Variants in CCDC7 observed in about 807,000 individuals in gnomAD.
CCDC7 encodes the protein coiled-coil domain containing 7, also known as coiled-coil domain-containing protein 7.
A neutral mutation model predicts 196.9 loss-of-function variants in CCDC7; 183 were observed. The ratio of observed to expected loss-of-function variants is 0.93; its 90% CI spans 0.82 to 1.05. The LOEUF (loss-of-function observed/expected upper bound fraction) is 1.05, where lower values mean the gene tolerates loss of function less well. Among genes scored for constraint, CCDC7 ranks in the 50% least tolerant of loss-of-function variants. The pLI, the probability that CCDC7 is intolerant of heterozygous loss-of-function variation, is 0.00. For missense variants in CCDC7, 1,540 were observed against 1,482.2 expected (o/e 1.04, Z -0.64); for synonymous variants, 525 against 484.6 (o/e 1.08, Z -1.10).
intron 24 of CCDC7, among the ~76,000 whole-genome samples, chr10:32,710,405 A>T (rs2080628159): frequency 6.6e-6 from 1 of 152,176 alleles, no homozygotes; most frequent in Non-Finnish European, 1.5e-5. Flanking sequence ...TTTCAGTCTC[A>T]TCTGCAGGGG....
At chr10:32,618,210 G>A (rs1453348657) in intron 18 of CCDC7, among the ~76,000 whole-genome samples, 1 of 151,764 alleles carries the variant, frequency 6.6e-6, no homozygotes, top group African/African-American at 2.4e-5. Flanking sequence ...TCTTTTAAGT[G>A]GAGCATTTAA....
intron 18 of CCDC7, among the ~76,000 whole-genome samples, chr10:32,618,899 A>G (rs1162193051): frequency 3.9e-5 from 6 of 152,072 alleles, no homozygotes; most frequent in Non-Finnish European, 8.8e-5. Context: ...CTATAGCTTT[A>G]TGTAGTCCCA....
intron 5 of CCDC7, among the ~76,000 whole-genome samples, chr10:32,470,196 T>A (rs1399529027): frequency 6.6e-6 from 1 of 152,196 alleles, no homozygotes; most frequent in Non-Finnish European, 1.5e-5. Context: ...AAATCCCCAG[T>A]GCTAGAATTT....
At chr10:32,556,184 C>G (rs992469106) in intron 13 of CCDC7, among the ~76,000 whole-genome samples, 1 of 152,166 alleles carries the variant, frequency 6.6e-6, no homozygotes, top group Non-Finnish European at 1.5e-5. Context: ...TATATTTTCT[C>G]TCTCCCTGTG....
intron 29 of CCDC7, among the ~76,000 whole-genome samples, chr10:32,803,371 C>T (rs947934470): frequency 6.6e-6 from 1 of 152,098 alleles, no homozygotes; most frequent in East Asian, 1.9e-4. Flanking sequence ...GTCTTGGGGA[C>T]TCTTTCTCTC....
chr10:32,606,105 A>G (rs1274304928), intron 18 of CCDC7, among the ~76,000 whole-genome samples: 2 of 150,610 alleles, frequency 1.3e-5, no homozygotes, highest in Non-Finnish European at 2.9e-5. Context: ...TGCTTCAGCT[A>G]GAGCCTTGGG....
At chr10:32,623,905 T>C (rs1182388845) in intron 18 of CCDC7, 2 of 403,784 alleles carry the variant, frequency 5.0e-6, no homozygotes, top group Non-Finnish European at 1.0e-5. Context: ...ACTCACTTCT[T>C]CCCAAGGGGA....
intron 24 of CCDC7, among the ~76,000 whole-genome samples, chr10:32,704,714 G>C (rs1191540750): frequency 6.6e-6 from 1 of 152,200 alleles, no homozygotes; most frequent in East Asian, 1.9e-4. Context: ...AATGGCAGGC[G>C]CCCTTCCTCC....
At chr10:32,713,433 T>C (rs2081130127) in intron 25 of CCDC7, among the ~76,000 whole-genome samples, 1 of 152,220 alleles carries the variant, frequency 6.6e-6, no homozygotes, top group South Asian at 2.1e-4. Flanking sequence ...TAACCCCTAG[T>C]CATGCTTATT....
chr10:32,615,156 C>T (rs2062641851), intron 18 of CCDC7, among the ~76,000 whole-genome samples: 1 of 152,076 alleles, frequency 6.6e-6, no homozygotes, highest in South Asian at 2.1e-4. Context: ...GTGCAGTTAT[C>T]TTTTTGTATA....
intron 8 of CCDC7, among the ~76,000 whole-genome samples, chr10:32,487,232 C>A (rs1223506669): frequency 6.6e-6 from 1 of 152,116 alleles, no homozygotes; most frequent in African/African-American, 2.4e-5. Flanking sequence ...TCATTTCGTT[C>A]ATTTGATCTT....
intron 28 of CCDC7, among the ~76,000 whole-genome samples, chr10:32,737,623 C>A (rs2085077757): frequency 6.6e-6 from 1 of 152,130 alleles, no homozygotes; most frequent in African/African-American, 2.4e-5. Flanking sequence ...TTAGATGGTA[C>A]TGAAGGCTGC....
chr10:32,842,466 G>A (rs917039313), intron 33 of CCDC7, among the ~76,000 whole-genome samples: 4 of 152,062 alleles, frequency 2.6e-5, no homozygotes, highest in Admixed American at 6.6e-5. Context: ...TGGATGCAGC[G>A]AAAAGGAAAC....
At chr10:32,845,763 A>G in intron 35 of CCDC7, 113 bp from the exon 37 acceptor site, 1 of 1,060,986 alleles carries the variant, frequency 9.4e-7, no homozygotes, top group East Asian at 2.5e-5. Flanking sequence ...ATACCCTTCC[A>G]TAATTACACA....
chr10:32,833,358 A>ATT (rs761241804), intron 32 of CCDC7, among the ~76,000 whole-genome samples: 8 of 148,316 alleles, frequency 5.4e-5, no homozygotes, highest in African/African-American at 9.9e-5. Flanking sequence ...TTTTTTAAAA[A>ATT]AAAAAAAAAG....
At chr10:32,551,848 G>A (rs1428350837) in intron 13 of CCDC7, among the ~76,000 whole-genome samples, 3 of 152,106 alleles carry the variant, frequency 2.0e-5, no homozygotes, top group South Asian at 2.1e-4. Context: ...AGTTCCATGC[G>A]CTGTTGAATA....
At chr10:32,773,417 G>C (rs956963071) in intron 28 of CCDC7, among the ~76,000 whole-genome samples, 6 of 151,640 alleles carry the variant, frequency 4.0e-5, no homozygotes, top group Non-Finnish European at 7.4e-5. Flanking sequence ...TTCTGTCTTT[G>C]AGTTCACTGA....
At chr10:32,703,711 T>A (rs184243384) in intron 24 of CCDC7, among the ~76,000 whole-genome samples, 1 of 152,246 alleles carries the variant, frequency 6.6e-6, no homozygotes, top group African/African-American at 2.4e-5. Context: ...TCTTTGTTCA[T>A]TTCTTTTTAT....
At chr10:32,727,236 G>A (rs984559562) in intron 26 of CCDC7, among the ~76,000 whole-genome samples, 1 of 152,126 alleles carries the variant, frequency 6.6e-6, no homozygotes, top group East Asian at 1.9e-4. Flanking sequence ...AACTCAAATA[G>A]CAAGTGGGAA....
Sources: allele counts gnomAD v4.1 joint callset (sites outside exome capture counted in the v4.1 genomes callset), GRCh38; gene constraint gnomAD v4.1.1; transcripts MANE v1.5; gene names NCBI Gene and HGNC (gene_info 2026-07-23, HGNC 2026-07-21).